RAPGEF5: variants seen among roughly 807,000 people sequenced by gnomAD.
RAPGEF5 encodes Rap guanine nucleotide exchange factor 5.
A neutral mutation model predicts 125.2 loss-of-function variants in RAPGEF5; 65 were observed. The ratio of observed to expected loss-of-function variants is 0.52; its 90% CI spans 0.43 to 0.64. The LOEUF is 0.64. Among genes scored for constraint, RAPGEF5 ranks in the 30% least tolerant of loss-of-function variants. The pLI, the probability that RAPGEF5 is intolerant of heterozygous loss-of-function variation, is 0.00. For missense variants in RAPGEF5, 958 were observed against 1,048.1 expected (o/e 0.91, Z 1.19); for synonymous variants, 391 against 385.9 (o/e 1.01, Z -0.16).
At chr7:22,239,555 C>A (rs913772750) in intron 7 of RAPGEF5, among the ~76,000 whole-genome samples, 4 of 152,002 alleles carry the variant, frequency 2.6e-5, no homozygotes, top group Non-Finnish European at 5.9e-5. Flanking sequence ...CTCGCTCCAC[C>A]CTCCCTGCTG....
At chr7:22,172,777 A>C (rs1305610859) in intron 11 of RAPGEF5, among the ~76,000 whole-genome samples, 1 of 152,250 alleles carries the variant, frequency 6.6e-6, no homozygotes, top group Non-Finnish European at 1.5e-5. Context: ...GAAGTCTAAA[A>C]ATCACTAGAA....
At chr7:22,186,968 TAA>T (rs1276936472) in intron 11 of RAPGEF5, among the ~76,000 whole-genome samples, 1 of 152,194 alleles carries the variant, frequency 6.6e-6, no homozygotes, top group African/African-American at 2.4e-5. Context: ...CAAAGGAACT[TAA>T]AAAGTTTCCC....
chr7:22,237,777 C>T (rs1035611507), intron 7 of RAPGEF5, among the ~76,000 whole-genome samples: 1 of 152,140 alleles, frequency 6.6e-6, no homozygotes, highest in African/African-American at 2.4e-5. Context: ...AGATTAAACC[C>T]CTCATGTTTC....
intron 1 of RAPGEF5, among the ~76,000 whole-genome samples, chr7:22,352,058 G>A (rs889856980): frequency 6.6e-6 from 1 of 152,186 alleles, no homozygotes; most frequent in Admixed American, 6.5e-5. Flanking sequence ...CAATCCAAAA[G>A]CTGGGAATCA....
rs545726966 is a variant in RAPGEF5, at chr7:22,333,367, T to C, written c.232-15330A>G. Among the ~76,000 whole-genome samples the C allele has an allele frequency of 1.2e-3, 187 of 152,262 alleles. 2 individuals are homozygous for C. The highest frequency in any genetic ancestry group is 2.5e-3 in the East Asian group (13 of 5,178). On this transcript the variant is annotated intron_variant, in intron 1 of 25. Coordinates refer to ENST00000665637, the MANE Select transcript of RAPGEF5 (RefSeq NM_012294.5). ...TGCATGGGATATACTTAGTCATTAA[T>C]GTTTTTTTAAGTAAAGCTTCCCTAC... is the stretch of plus-strand genomic sequence containing the variant.
chr7:22,175,136 A>G (rs955333700), intron 11 of RAPGEF5, among the ~76,000 whole-genome samples: 2 of 152,234 alleles, frequency 1.3e-5, no homozygotes, highest in Non-Finnish European at 2.9e-5. Context: ...GTAAACAAAC[A>G]AACGGGACAC....
At chr7:22,246,703 G>T (rs1786486154) in intron 7 of RAPGEF5, among the ~76,000 whole-genome samples, 1 of 152,094 alleles carries the variant, frequency 6.6e-6, no homozygotes, top group Non-Finnish European at 1.5e-5. Flanking sequence ...AAAAGCAATT[G>T]CAGCAAAAAC....
chr7:22,212,503 G>A (rs1245508347), intron 9 of RAPGEF5, among the ~76,000 whole-genome samples: 3 of 152,356 alleles, frequency 2.0e-5, no homozygotes, highest in East Asian at 1.9e-4. Context: ...GGTCAGAGAT[G>A]TATCAGGGCA....
At chr7:22,213,150 T>G (rs1397180939) in intron 9 of RAPGEF5, among the ~76,000 whole-genome samples, 1 of 152,190 alleles carries the variant, frequency 6.6e-6, no homozygotes, top group Non-Finnish European at 1.5e-5. Context: ...CCGCTCAAAC[T>G]AATTTTTTAA....
intron 11 of RAPGEF5, among the ~76,000 whole-genome samples, chr7:22,188,362 A>G (rs1784885209): frequency 6.6e-6 from 1 of 152,230 alleles, no homozygotes; most frequent in African/African-American, 2.4e-5. Context: ...ACATAATTAA[A>G]TATCAAGGGA....
intron 11 of RAPGEF5, among the ~76,000 whole-genome samples, chr7:22,173,046 T>C (rs559903223): frequency 2.5e-4 from 38 of 152,362 alleles, no homozygotes; most frequent in Admixed American, 1.7e-3. Context: ...GTATTTCTAC[T>C]TCAGATGTAA....
At position 22,238,573 on chromosome 7, in the gene RAPGEF5, A is replaced by G. The variant is rs545487428; in HGVS notation, c.797-7654T>C. 2.6e-5 allele frequency among the ~76,000 whole-genome samples: 4 copies of G among 152,356 alleles called. No homozygotes were observed. The South Asian group carries it at 8.3e-4, about 32-fold the overall frequency. ...GGCCTTGAGCAATGACATTATGCTC[A>G]CTGAAAAAGAATACCTCAGTCATTA... On this transcript the variant is annotated intron_variant, in intron 7 of 25. Transcript: ENST00000665637.
rs2128094262 is a variant in RAPGEF5, at chr7:22,119,069, CTGCGCCATTTAGGAACATTCAGTTCCGGA to C, written c.*3308_*3336del. 1 of 152,344 alleles carries C rather than the reference CTGCGCCATTTAGGAACATTCAGTTCCGGA, an allele frequency of 6.6e-6. No individual in the cohort carries two copies. Among genetic ancestry groups the C allele is most frequent in the African/African-American group, 2.4e-5 (1 of 41,568 alleles). 9.4% of individuals were successfully genotyped at this position (152,344 alleles called of 1,614,324 possible). A position where few individuals can be genotyped will look rare whatever the true frequency, so the allele number is the denominator to read the frequency against. On this transcript the variant is annotated 3_prime_UTR_variant, in exon 26 of 26. Transcript: ENST00000665637. The surrounding 1 kb of genome is among the most constrained non-coding windows in gnomAD (Gnocchi z 4.1). ...CCAGTTTCTGAAAAGCCTGGATTGG[CTGCGCCATTTAGGAACATTCAGTTCCGGA>C]TCTGCGGTGTCTGTGCTGGCTAGAA...
At chr7:22,197,898 G>T (rs199813744) in intron 9 of RAPGEF5, among the ~76,000 whole-genome samples, 2 of 141,530 alleles carry the variant, frequency 1.4e-5, no homozygotes, top group Non-Finnish European at 1.5e-5. Flanking sequence ...TTTTTTGGGG[G>T]GGGGTGGTAG....
At chr7:22,256,452 G>A (rs1016750345) in intron 7 of RAPGEF5, among the ~76,000 whole-genome samples, 1 of 152,096 alleles carries the variant, frequency 6.6e-6, no homozygotes, top group Non-Finnish European at 1.5e-5. Flanking sequence ...CAAATTTTAC[G>A]CCAGCCCCTG....
chr7:22,321,541 T>C (rs1783714985), intron 1 of RAPGEF5, among the ~76,000 whole-genome samples: 1 of 152,012 alleles, frequency 6.6e-6, no homozygotes, highest in Admixed American at 6.6e-5. Flanking sequence ...TACTAAGGGG[T>C]GAGAGAAATA....
At position 22,151,650 on chromosome 7, in the gene RAPGEF5, G is replaced by T. The variant is rs202138090; in HGVS notation, c.1787-1146C>A. Among the ~76,000 whole-genome samples the T allele has an allele frequency of 2.6e-5, 4 of 152,016 alleles. No individual in the cohort carries two copies. In the East Asian group the frequency reaches 7.7e-4, roughly 29 times the overall value. On this transcript the variant is annotated intron_variant, in intron 17 of 25. Transcript: ENST00000665637. ...TGGCTAATTTTGTATTTTTAGTACA[G>T]ATGGAGTTTCACCATGTTGTCTAGG...
At chr7:22,238,948 T>C (rs1786256099) in intron 7 of RAPGEF5, among the ~76,000 whole-genome samples, 1 of 152,074 alleles carries the variant, frequency 6.6e-6, no homozygotes, top group South Asian at 2.1e-4. Flanking sequence ...TAGCCTAAAA[T>C]AAATTGAACA....
intron 12 of RAPGEF5, among the ~76,000 whole-genome samples, chr7:22,165,638 T>C (rs79845539): frequency 0.074 from 11,293 of 152,176 alleles, 491 homozygotes; most frequent in Middle Eastern, 0.14. Flanking sequence ...TGTTTGCTCA[T>C]AGGATATAGT....
Sources: gnomAD v4.1 joint callset for allele counts (sites outside exome capture counted in the v4.1 genomes callset) on GRCh38, gnomAD v4.1.1 for gene constraint, Gnocchi (gnomAD v3.1) non-coding constraint, MANE v1.5 for transcripts, NCBI Gene and HGNC (gene_info 2026-07-23, HGNC 2026-07-21) for gene names.